PCDHGB4: variants seen among roughly 807,000 people sequenced by gnomAD.
PCDHGB4 encodes protocadherin gamma subfamily B, 4.
In PCDHGB4, 38 loss-of-function variants were observed where a neutral mutation model predicts 60.5. That is an observed-to-expected ratio of 0.63 (90% CI 0.48 to 0.82). The LOEUF (loss-of-function observed/expected upper bound fraction) is 0.82, where lower values mean the gene tolerates loss of function less well. PCDHGB4 is among the 40% of genes least tolerant of loss of function. The pLI is 0.00. For missense variants in PCDHGB4, 1,109 were observed against 1,209.6 expected, an observed-to-expected ratio of 0.92 and a Z score of 1.23; for synonymous variants, 456 against 509.7, an observed-to-expected ratio of 0.89 and a Z score of 1.42.
At chr5:141,496,602 C>T (rs981108050) in intron 2 of PCDHGB4, among the ~76,000 whole-genome samples, 1 of 152,150 alleles carries the variant, frequency 6.6e-6, no homozygotes, top group Non-Finnish European at 1.5e-5. Flanking sequence ...TCTTAGAAGG[C>T]CCCTAAAAAG....
At chr5:141,453,201 C>A (rs115660512) in intron 1 of PCDHGB4, among the ~76,000 whole-genome samples, 1 of 152,206 alleles carries the variant, frequency 6.6e-6, no homozygotes, top group South Asian at 2.1e-4. Flanking sequence ...GCAGCCTCAA[C>A]CTCGTGCACT....
At chr5:141,421,449 G>A (rs2096574013) in intron 1 of PCDHGB4, 2 of 1,614,010 alleles carry the variant, frequency 1.2e-6, no homozygotes, top group African/African-American at 1.3e-5. Flanking sequence ...GGAAGACACA[G>A]CTTTTCGCTG....
intron 1 of PCDHGB4, chr5:141,394,142 A>G (rs751602442): frequency 6.2e-7 from 1 of 1,613,996 alleles, no homozygotes; most frequent in Non-Finnish European, 8.5e-7. Flanking sequence ...TGCACGTGGC[A>G]GACATTAACG....
At chr5:141,418,940 C>G in intron 1 of PCDHGB4, 9 of 1,614,012 alleles carry the variant, frequency 5.6e-6, no homozygotes, top group Non-Finnish European at 6.8e-6. Context: ...GGAGGATTCC[C>G]CTCCAGGAGT....
chr5:141,491,646 G>T lies in PCDHGB4; in HGVS notation c.2398-3161G>T. On this transcript the variant is annotated intron_variant, in intron 1 of 3. Transcript: ENST00000519479. The surrounding 1 kb of genome is among the most constrained non-coding windows in gnomAD (Gnocchi z 6.9). ...GCGTTCAGCAGCCCACAGCTCTGGC[G>T]CTGGAGCCTGACGCCATCCGGTCCC... is the stretch of plus-strand genomic sequence containing the variant. 1 of 1,613,872 alleles carries T rather than the reference G, an allele frequency of 6.2e-7. No individual in the cohort carries two copies. The highest frequency in any genetic ancestry group is 8.5e-7 in the Non-Finnish European group (1 of 1,180,030).
rs1327610213 is a variant in PCDHGB4 at position 141,423,493 on chromosome 5, C to T, written c.2397+33212C>T. 5 of 1,613,984 alleles carry T rather than the reference C, an allele frequency of 3.1e-6. No homozygotes were observed. In the South Asian group the frequency reaches 5.5e-5, roughly 18 times the overall value. On this transcript the variant is annotated intron_variant, in intron 1 of 3. Coordinates refer to ENST00000519479, the MANE Select transcript of PCDHGB4 (RefSeq NM_003736.4). The stretch of plus-strand genomic sequence containing the variant: ...ACAGGCTTTCCTGCAAACCTATTCC[C>T]ACGAGGTCTCTCTCATTGCGGACTC...
chr5:141,440,181 G>A (rs1419736461), intron 1 of PCDHGB4: 7 of 152,312 alleles, frequency 4.6e-5, no homozygotes, highest in Non-Finnish European at 8.8e-5. Context: ...CTTTGAAATA[G>A]TTGAAGGCCA....
chr5:141,415,107 A>T, intron 1 of PCDHGB4: 1 of 1,613,624 alleles, frequency 6.2e-7, no homozygotes, highest in Non-Finnish European at 8.5e-7. Flanking sequence ...CGCTCAAGCA[A>T]AGCCTCGTAG....
At chr5:141,454,811 T>TTTTTA (rs1284435092) in intron 1 of PCDHGB4, among the ~76,000 whole-genome samples, 4 of 125,862 alleles carry the variant, frequency 3.2e-5, no homozygotes, top group African/African-American at 1.3e-4. Context: ...TTTTTTTTTT[T>TTTTTA]TTTTTTTTTT....
intron 1 of PCDHGB4, among the ~76,000 whole-genome samples, chr5:141,407,776 A>G (rs1248399145): frequency 2.0e-5 from 3 of 152,234 alleles, no homozygotes; most frequent in Non-Finnish European, 4.4e-5. Context: ...TGTGCATAAT[A>G]GATTTATTTA....
chr5:141,388,971 CAT>C lies in PCDHGB4; in HGVS notation c.1090_1091del (p.Ile364CysfsTer7), dbSNP rs1456846164. 3 of 1,613,890 alleles carry C rather than the reference CAT, an allele frequency of 1.9e-6. No individual in the cohort carries two copies. The highest frequency in any genetic ancestry group is 2.5e-6 in the Non-Finnish European group (3 of 1,179,896). ...TATGGAGGACGCCGAGCTGGGAACACATATTGCTTTGCTCAAAGTCCGTGACA... is the reference window on the plus strand; with the variant it reads ...TATGGAGGACGCCGAGCTGGGAACACATTGCTTTGCTCAAAGTCCGTGACA... ...LIMEDAELGT[H>X]IALLKVRDKD... On this transcript the variant is annotated frameshift_variant, in exon 1 of 4. Coordinates refer to ENST00000519479, the MANE Select transcript of PCDHGB4 (RefSeq NM_003736.4). LOFTEE classifies it high-confidence loss of function.
chr5:141,409,820 C>T (rs1276944982), intron 1 of PCDHGB4: 4 of 1,610,926 alleles, frequency 2.5e-6, no homozygotes, highest in Non-Finnish European at 3.4e-6. Flanking sequence ...CCACGGCTCG[C>T]CCACGCTCAG....
intron 1 of PCDHGB4, among the ~76,000 whole-genome samples, chr5:141,448,434 GA>G (rs1297090877): frequency 1.3e-5 from 2 of 152,050 alleles, no homozygotes; most frequent in South Asian, 4.2e-4. Flanking sequence ...TATATATTGA[GA>G]AGTCTGACTT....
chr5:141,490,181 G>T lies in PCDHGB4; in HGVS notation c.2398-4626G>T, dbSNP rs755899660. ...GGTCCCATAGACTTTGAGGAGTCAC[G>T]TTTCTATGAAATTCATGCAAGAGCC... is the stretch of plus-strand genomic sequence containing the variant. On this transcript the variant is annotated intron_variant, in intron 1 of 3. Coordinates refer to ENST00000519479, the MANE Select transcript of PCDHGB4 (RefSeq NM_003736.4). The surrounding 1 kb of genome is among the most constrained non-coding windows in gnomAD (Gnocchi z 5.4). The T allele has an allele frequency of 6.2e-7, 1 of 1,614,200 alleles. No individual in the cohort carries two copies. The highest frequency in any genetic ancestry group is 8.5e-7 in the Non-Finnish European group (1 of 1,180,030).
In PCDHGB4 at chr5:141,511,296, A is replaced by C; in HGVS notation, c.*123A>C. 1 of 1,505,968 alleles carries C rather than the reference A, an allele frequency of 6.6e-7. No individual in the cohort carries two copies. The allele number at this position is 1,505,968 out of a possible 1,614,324, so 93.3% of individuals were successfully genotyped here. On this transcript the variant is annotated 3_prime_UTR_variant, in exon 4 of 4. Coordinates refer to ENST00000519479, the MANE Select transcript of PCDHGB4 (RefSeq NM_003736.4). ...CAGAATACTGGTAGGGGCCAAGGCCATGCTCCCCTTGGGAAACAGAAACAA... is the reference window on the plus strand; with the variant it reads ...CAGAATACTGGTAGGGGCCAAGGCCCTGCTCCCCTTGGGAAACAGAAACAA...
At chr5:141,451,557 G>T (rs192150041) in intron 1 of PCDHGB4, among the ~76,000 whole-genome samples, 2 of 152,234 alleles carry the variant, frequency 1.3e-5, no homozygotes, top group East Asian at 3.9e-4. Context: ...TGTGATGAAA[G>T]CCACAATCTT....
At chr5:141,494,223 C>T (rs1435042163) in intron 1 of PCDHGB4, among the ~76,000 whole-genome samples, 2 of 152,192 alleles carry the variant, frequency 1.3e-5, no homozygotes, top group African/African-American at 4.8e-5. Context: ...TGGCATGACT[C>T]CTAAATTAAT....
intron 1 of PCDHGB4, chr5:141,478,790 C>T: frequency 6.8e-7 from 1 of 1,472,906 alleles, no homozygotes. Flanking sequence ...AATTCACATC[C>T]TCAGCACTCT....
At chr5:141,466,765 G>A (rs1199343616) in intron 1 of PCDHGB4, among the ~76,000 whole-genome samples, 1 of 151,996 alleles carries the variant, frequency 6.6e-6, no homozygotes, top group African/African-American at 2.4e-5. Context: ...TTTTCAAACT[G>A]TTATCTTATT....
Sources: gnomAD v4.1 joint callset for allele counts (sites outside exome capture counted in the v4.1 genomes callset) on GRCh38, gnomAD v4.1.1 for gene constraint, Gnocchi (gnomAD v3.1) non-coding constraint, MANE v1.5 for transcripts, NCBI Gene and HGNC (gene_info 2026-07-23, HGNC 2026-07-21) for gene names.